SI: variants seen among roughly 807,000 people sequenced by gnomAD.
SI encodes the protein sucrase-isomaltase, also known as sucrase-isomaltase, intestinal.
In SI, 235 loss-of-function variants were observed where a neutral mutation model predicts 253.3. The observed-to-expected ratio is 0.93, with a 90% CI of 0.83 to 1.03. The LOEUF is 1.03. Ranked by LOEUF, SI falls within the 50% of genes least tolerant of loss-of-function variation. The pLI, the probability that SI is intolerant of heterozygous loss-of-function variation, is 0.00. For synonymous variants in SI, 819 were observed against 712.0 expected, an observed-to-expected ratio of 1.15 and a Z score of -2.39; for missense variants, 2,442 against 2,211.1, an observed-to-expected ratio of 1.10 and a Z score of -2.09.
intron 8 of SI, 73 bp from the exon 9 acceptor site, chr3:165,062,556 T>TG: frequency 1.3e-6 from 1 of 766,296 alleles, no homozygotes; most frequent in Non-Finnish European, 2.3e-6. Flanking sequence ...AAAGTCCATT[T>TG]AAATTAATTT....
chr3:165,063,874 T>C (rs968690332), intron 7 of SI, among the ~76,000 whole-genome samples: 1 of 149,752 alleles, frequency 6.7e-6, no homozygotes, highest in African/African-American at 2.4e-5. Flanking sequence ...ATTGAAACCA[T>C]CCTGGCTAAC....
At chr3:165,026,213 A>C (rs1201295441) in intron 25 of SI, among the ~76,000 whole-genome samples, 1 of 151,416 alleles carries the variant, frequency 6.6e-6, no homozygotes, top group African/African-American at 2.4e-5. Flanking sequence ...ACTTTAAAGC[A>C]ACAGCAGTTA....
At chr3:165,056,346 C>A (rs1417653473) in intron 12 of SI, among the ~76,000 whole-genome samples, 3 of 151,474 alleles carry the variant, frequency 2.0e-5, no homozygotes, top group South Asian at 2.1e-4. Flanking sequence ...AGAGACAGAG[C>A]AAAATGGCTG....
rs1020747413 is a variant in SI at position 164,982,330 on chromosome 3, C to A, written c.5328G>T (p.Gly1776=). 1 of 1,612,454 alleles carries A rather than the reference C, an allele frequency of 6.2e-7. No homozygotes were observed. The highest frequency in any genetic ancestry group is 1.7e-5 in the Admixed American group (1 of 59,858). The change falls in exon 47 of 48, where the codon GGG becomes GGT. Residue 1776 remains glycine, a synonymous_variant. Transcript: ENST00000264382. Reference sequence around the variant, plus strand: ...CTGCATTGACAGGAGTAGTTCCTTTCCCCCATACATGAAGGGATCCAAGCC... The same window carrying A: ...CTGCATTGACAGGAGTAGTTCCTTTACCCCATACATGAAGGGATCCAAGCC... ...ETRLGSLHVW[G]KGTTPVNAVT...
chr3:165,079,833 A>G (rs1262292151), upstream of SI, among the ~76,000 whole-genome samples: 1 of 151,858 alleles, frequency 6.6e-6, no homozygotes, highest in Non-Finnish European at 1.5e-5. Context: ...CTAGATTATC[A>G]ATTAGAATAG....
intron 19 of SI, 48 bp from the exon 20 acceptor site, chr3:165,039,182 A>G: frequency 7.8e-7 from 1 of 1,284,840 alleles, no homozygotes; most frequent in Non-Finnish European, 1.1e-6. Context: ...TTTAACAAGG[A>G]GGATCTTATC....
At chr3:165,076,548 A>C (rs1282903461) in intron 1 of SI, among the ~76,000 whole-genome samples, 2 of 151,762 alleles carry the variant, frequency 1.3e-5, no homozygotes, top group Non-Finnish European at 1.5e-5. Context: ...ACTTTCCACA[A>C]TATTGTCGAA....
intron 25 of SI, among the ~76,000 whole-genome samples, chr3:165,029,493 C>A (rs1712107400): frequency 6.7e-6 from 1 of 148,928 alleles, no homozygotes; most frequent in Non-Finnish European, 1.5e-5. Flanking sequence ...ATGTTTATAG[C>A]AGCACAATTG....
chr3:165,017,330 T>C (rs1719085383), intron 31 of SI, among the ~76,000 whole-genome samples: 1 of 151,844 alleles, frequency 6.6e-6, no homozygotes, highest in South Asian at 2.1e-4. Flanking sequence ...AGCATGATAG[T>C]ATTAGGGAGG....
At chr3:164,981,268 T>G (rs2108106492) in intron 47 of SI, among the ~76,000 whole-genome samples, 1 of 152,060 alleles carries the variant, frequency 6.6e-6, no homozygotes, top group Middle Eastern at 3.4e-3. Context: ...AGTTCCATAT[T>G]AAAGGAAAAC....
intron 20 of SI, among the ~76,000 whole-genome samples, chr3:165,038,850 C>T (rs1712671225): frequency 6.6e-6 from 1 of 151,926 alleles, no homozygotes; most frequent in Admixed American, 6.6e-5. Context: ...TCTCTTTATG[C>T]TAAATAATAT....
intron 38 of SI, 84 bp downstream of exon 38, chr3:164,998,456 A>G: frequency 7.0e-7 from 1 of 1,421,338 alleles, no homozygotes; most frequent in Non-Finnish European, 9.9e-7. Flanking sequence ...CTGAGGACTT[A>G]TAAATGTTAT....
intron 12 of SI, 118 bp from the exon 13 acceptor site, chr3:165,055,425 T>C (rs544221282): frequency 1.6e-6 from 1 of 612,668 alleles, no homozygotes; most frequent in East Asian, 2.9e-5. Flanking sequence ...CTTCTTTAGG[T>C]ATATGTGACT....
intron 12 of SI, among the ~76,000 whole-genome samples, chr3:165,058,715 T>G (rs1713823795): frequency 2.0e-5 from 3 of 151,990 alleles, no homozygotes; most frequent in African/African-American, 7.2e-5. Flanking sequence ...CTACTAAGAT[T>G]AAACCATGAA....
intron 16 of SI, among the ~76,000 whole-genome samples, chr3:165,045,837 T>C (rs182284593): frequency 7.1e-6 from 1 of 140,870 alleles, no homozygotes; most frequent in East Asian, 2.2e-4. Context: ...AATTTGATAA[T>C]ATGTTTTTCA....
At chr3:165,044,908 C>G (rs1713030235) in intron 16 of SI, among the ~76,000 whole-genome samples, 1 of 152,020 alleles carries the variant, frequency 6.6e-6, no homozygotes, top group South Asian at 2.1e-4. Flanking sequence ...CTTAATCTAT[C>G]TGGGACTGTT....
At position 165,041,017 on chromosome 3, in the gene SI, G is replaced by A. The variant is rs969477023; in HGVS notation, c.2082C>T (p.Thr694=). ...SSRQYLTIRY[T]LLPFLYTLFY... is the part of the protein sequence containing the mutation. The stretch of plus-strand genomic sequence containing the variant: ...ACAGAGTGTAGAGGAAGGGTAATAA[G>A]GTGTAGCGAATAGTTAAATACTGCC... Residue 694 remains threonine (T), a synonymous_variant, in exon 18 of 48, where the codon ACC becomes ACT. Coordinates refer to ENST00000264382, the MANE Select transcript of SI (RefSeq NM_001041.4). The A allele has an allele frequency of 1.2e-6, 2 of 1,612,380 alleles. No individual in the cohort carries two copies. Among genetic ancestry groups the A allele is most frequent in the Non-Finnish European group, 1.7e-6 (2 of 1,178,834 alleles).
Position 165,036,403 on chromosome 3 carries a change from T to C in SI, c.2501A>G (p.Asp834Gly), listed in dbSNP as rs1712530936. 6.2e-7 allele frequency: 1 copy of C among 1,609,238 alleles called. No homozygotes were observed. The highest frequency in any genetic ancestry group is 1.1e-5 in the South Asian group (1 of 91,024). Residue 834 changes from aspartate to glycine, a missense_variant, in exon 22 of 48, where the codon GAT becomes GGT. Coordinates refer to ENST00000264382, the MANE Select transcript of SI (RefSeq NM_001041.4). ...NTAKGDFFWD[D>G]GETKDTIQNG... ...TTCAGACTTACCTTTAGTTTCTCCA[T>C]CATCCCAGAAAAAGTCTCCTTTGGC...
intron 40 of SI, among the ~76,000 whole-genome samples, chr3:164,995,181 G>A (rs1018111969): frequency 1.3e-5 from 2 of 151,626 alleles, no homozygotes; most frequent in African/African-American, 4.8e-5. Context: ...GTGTCATATC[G>A]ATGATGATTC....
Sources: gnomAD v4.1 joint callset for allele counts (sites outside exome capture counted in the v4.1 genomes callset) on GRCh38, gnomAD v4.1.1 for gene constraint, MANE v1.5 for transcripts, NCBI Gene and HGNC (gene_info 2026-07-23, HGNC 2026-07-21) for gene names.